The following CNTNAP5 variants were observed in gnomAD, a reference collection of about 807,000 sequenced individuals.
CNTNAP5 encodes contactin associated protein family member 5.
CNTNAP5 carries 72 observed loss-of-function variants against 150.2 expected under a neutral mutation model. The ratio of observed to expected loss-of-function variants is 0.48; its 90% CI spans 0.40 to 0.58. CNTNAP5 has a LOEUF of 0.58. Among genes scored for constraint, CNTNAP5 ranks in the 20% least tolerant of loss-of-function variants. CNTNAP5 has a pLI of 0.00. For missense variants in CNTNAP5, 1,636 were observed against 1,626.2 expected (o/e 1.01, Z -0.10); for synonymous variants, 672 against 619.8 (o/e 1.08, Z -1.25).
intron 2 of CNTNAP5, among the ~76,000 whole-genome samples, 172 bp downstream of exon 2, chr2:124,221,981 T>C (rs551495287): frequency 2.6e-5 from 4 of 152,272 alleles, no homozygotes; most frequent in Admixed American, 6.5e-5. Context: ...CATAGCATAA[T>C]AGTCATTCAA....
chr2:124,557,527 G>A (rs889771128), intron 10 of CNTNAP5, among the ~76,000 whole-genome samples: 1 of 152,182 alleles, frequency 6.6e-6, no homozygotes, highest in East Asian at 1.9e-4. Flanking sequence ...ACAATTTATA[G>A]AGTGCCTACC....
chr2:124,549,997 C>T (rs1695593823), intron 10 of CNTNAP5, among the ~76,000 whole-genome samples: 1 of 152,168 alleles, frequency 6.6e-6, no homozygotes, highest in Non-Finnish European at 1.5e-5. Context: ...CCTGATAATA[C>T]ATGACAGTGC....
chr2:124,695,571 T>C (rs180733899), intron 13 of CNTNAP5, among the ~76,000 whole-genome samples: 1 of 152,268 alleles, frequency 6.6e-6, no homozygotes, highest in Non-Finnish European at 1.5e-5. Context: ...GCACCTAAAC[T>C]CTCAGACATT....
intron 21 of CNTNAP5, among the ~76,000 whole-genome samples, chr2:124,902,235 T>G (rs1164642757): frequency 6.6e-6 from 1 of 152,176 alleles, no homozygotes; most frequent in African/African-American, 2.4e-5. Flanking sequence ...ATGTCCATCT[T>G]TTATAAAGTC....
rs560820814 is a variant in CNTNAP5 at position 124,498,494 on chromosome 2, G to T, written c.1063-5798G>T. On this transcript the variant is annotated intron_variant, in intron 7 of 23. Coordinates refer to ENST00000682447, the MANE Select transcript of CNTNAP5 (RefSeq NM_001367498.1). ...TATTTACTTTTTAAATAGAGATTGG[G>T]TCTCATCATGTTGCCGAGGCAGATC... Among the ~76,000 whole-genome samples the T allele has an allele frequency of 2.0e-5, 3 of 152,224 alleles. 1 individual carries two copies. Among genetic ancestry groups the T allele is most frequent in the South Asian group, 4.2e-4 (2 of 4,816 alleles).
At chr2:124,738,750 G>A (rs962039126) in intron 13 of CNTNAP5, among the ~76,000 whole-genome samples, 11 of 151,270 alleles carry the variant, frequency 7.3e-5, no homozygotes, top group African/African-American at 1.5e-4. Flanking sequence ...AAGAAAGAAA[G>A]AAAGAAAAAA....
chr2:124,694,757 G>C (rs1052548459), intron 13 of CNTNAP5, among the ~76,000 whole-genome samples: 1 of 152,116 alleles, frequency 6.6e-6, no homozygotes, highest in African/African-American at 2.4e-5. Context: ...TATTCTCACA[G>C]AATGTATTCA....
chr2:124,180,442 C>A (rs1685182491), intron 1 of CNTNAP5, among the ~76,000 whole-genome samples: 1 of 151,976 alleles, frequency 6.6e-6, no homozygotes, highest in African/African-American at 2.4e-5. Flanking sequence ...ACAGTACATT[C>A]AATACAGTTA....
intron 19 of CNTNAP5, among the ~76,000 whole-genome samples, chr2:124,834,452 G>A (rs548117416): frequency 2.8e-4 from 43 of 152,094 alleles, no homozygotes; most frequent in Non-Finnish European, 4.9e-4. Flanking sequence ...GTGCCACCAC[G>A]TTTCCTAGCC....
intron 7 of CNTNAP5, among the ~76,000 whole-genome samples, chr2:124,479,510 A>T (rs1693717492): frequency 6.6e-6 from 1 of 152,168 alleles, no homozygotes; most frequent in Admixed American, 6.5e-5. Flanking sequence ...AAGGGAAGAA[A>T]ATGCAAATAA....
At chr2:124,561,097 TG>T (rs2104928634) in intron 10 of CNTNAP5, among the ~76,000 whole-genome samples, 1 of 152,006 alleles carries the variant, frequency 6.6e-6, no homozygotes. Flanking sequence ...TGGAAATCTC[TG>T]TTTGTGTTTA....
chr2:124,223,816 C>A (rs1404262004), intron 2 of CNTNAP5, among the ~76,000 whole-genome samples: 2 of 151,378 alleles, frequency 1.3e-5, no homozygotes, highest in African/African-American at 4.9e-5. Flanking sequence ...GTTCACTTTT[C>A]TTCCGTTTCC....
At chr2:124,524,547 G>A (rs970802180) in intron 9 of CNTNAP5, 95 bp downstream of exon 9, 37 of 1,221,862 alleles carry the variant, frequency 3.0e-5, no homozygotes, top group Non-Finnish European at 4.0e-5. Context: ...TGGTCAATTA[G>A]ACAATTCTCC....
At chr2:124,403,460 T>C (rs1319260520) in intron 3 of CNTNAP5, among the ~76,000 whole-genome samples, 2 of 152,228 alleles carry the variant, frequency 1.3e-5, no homozygotes, top group Admixed American at 1.3e-4. Flanking sequence ...TTTATGTTTC[T>C]TTGTTCATTC....
intron 1 of CNTNAP5, among the ~76,000 whole-genome samples, chr2:124,067,907 C>T (rs978383018): frequency 3.9e-5 from 6 of 152,094 alleles, no homozygotes; most frequent in Non-Finnish European, 7.4e-5. Context: ...AACAGTATTA[C>T]ATTTACTTTT....
intron 10 of CNTNAP5, among the ~76,000 whole-genome samples, chr2:124,531,763 C>G (rs573774190): frequency 6.6e-6 from 1 of 152,182 alleles, no homozygotes; most frequent in Non-Finnish European, 1.5e-5. Flanking sequence ...AAGGCAGTCA[C>G]TCTGTGTCAG....
chr2:124,070,314 G>T lies in CNTNAP5; in HGVS notation c.82+44582G>T, dbSNP rs1013084397. ...GAAAACAGATAACAAAATGGTAGGA[G>T]TAAGTCCTCACTTATCAATAATAAC... On this transcript the variant is annotated intron_variant, in intron 1 of 23. Transcript: ENST00000682447. Among the ~76,000 whole-genome samples the T allele has an allele frequency of 6.2e-4, 91 of 146,324 alleles. 1 individual carries two copies. The highest frequency in any genetic ancestry group is 1.0e-3 in the Non-Finnish European group (68 of 66,874).
intron 1 of CNTNAP5, among the ~76,000 whole-genome samples, chr2:124,116,369 G>A (rs1683429193): frequency 6.6e-6 from 1 of 152,204 alleles, no homozygotes; most frequent in Non-Finnish European, 1.5e-5. Context: ...AAGTGAAGAA[G>A]GGTATCGGGT....
chr2:124,695,851 G>A (rs774365852), intron 13 of CNTNAP5, among the ~76,000 whole-genome samples: 8 of 152,050 alleles, frequency 5.3e-5, no homozygotes, highest in Non-Finnish European at 1.0e-4. Context: ...AAGAGTGCTC[G>A]GCACCTGTCC....
Sources: gnomAD v4.1 joint callset for allele counts (sites outside exome capture counted in the v4.1 genomes callset) on GRCh38, gnomAD v4.1.1 for gene constraint, MANE v1.5 for transcripts, NCBI Gene and HGNC (gene_info 2026-07-23, HGNC 2026-07-21) for gene names.